HS3ST4: variants seen among roughly 807,000 people sequenced by gnomAD.
The protein encoded by HS3ST4 is heparan sulfate-glucosamine 3-sulfotransferase 4, also known as heparan sulfate glucosamine 3-O-sulfotransferase 4.
In HS3ST4, 17 loss-of-function variants were observed where a neutral mutation model predicts 29.2. The observed-to-expected ratio is 0.58, with a 90% CI of 0.40 to 0.87. The LOEUF is 0.87. Ranked by LOEUF, HS3ST4 falls within the 40% of genes least tolerant of loss-of-function variation. HS3ST4 has a pLI of 0.00. For missense variants in HS3ST4, 627 were observed against 634.5 expected (o/e 0.99, Z 0.13); for synonymous variants, 314 against 285.7 (o/e 1.10, Z -1.00).
intron 1 of HS3ST4, among the ~76,000 whole-genome samples, chr16:25,903,476 T>C (rs1968142938): frequency 1.3e-5 from 2 of 151,806 alleles, no homozygotes; most frequent in South Asian, 4.2e-4. Flanking sequence ...TATAACAATA[T>C]GTATATTGAT....
chr16:26,086,106 C>T (rs1339887581), intron 1 of HS3ST4, among the ~76,000 whole-genome samples: 1 of 151,914 alleles, frequency 6.6e-6, no homozygotes, highest in Non-Finnish European at 1.5e-5. Context: ...TGCCATCTCC[C>T]CAGTTCATCC....
intron 1 of HS3ST4, among the ~76,000 whole-genome samples, chr16:25,870,672 G>A (rs527650053): frequency 6.6e-6 from 1 of 152,320 alleles, no homozygotes; most frequent in African/African-American, 2.4e-5. Flanking sequence ...ATTAAGTAGA[G>A]ATGTTACATC....
chr16:26,034,743 T>TA lies in HS3ST4; in HGVS notation c.735-100859dup, dbSNP rs145104496. Reference sequence around the variant, plus strand: ...TGGTGTCTTCATAAGGAAAGCCTATTAAAAAAAAAACTGACGTGAGTTCAA... The same window carrying TA: ...TGGTGTCTTCATAAGGAAAGCCTATTAAAAAAAAAAACTGACGTGAGTTCAA... On this transcript the variant is annotated intron_variant, in intron 1 of 1. Transcript: ENST00000331351. 5.3e-3 allele frequency among the ~76,000 whole-genome samples: 781 copies of TA among 147,676 alleles called. 7 individuals are homozygous for TA. The highest frequency in any genetic ancestry group is 0.019 in the African/African-American group (748 of 40,378).
intron 1 of HS3ST4, among the ~76,000 whole-genome samples, chr16:26,073,400 G>C (rs547976469): frequency 1.1e-3 from 160 of 151,474 alleles, no homozygotes; most frequent in African/African-American, 3.8e-3. Flanking sequence ...TCTGTGACAG[G>C]GTCTCACTCT....
intron 1 of HS3ST4, among the ~76,000 whole-genome samples, chr16:26,041,623 G>C (rs1969636626): frequency 6.6e-6 from 1 of 152,206 alleles, no homozygotes; most frequent in African/African-American, 2.4e-5. Flanking sequence ...TTTAGATTTT[G>C]CAGGCCGTGA....
chr16:25,765,678 G>T (rs1183213827), intron 1 of HS3ST4, among the ~76,000 whole-genome samples: 4 of 152,184 alleles, frequency 2.6e-5, no homozygotes, highest in African/African-American at 9.7e-5. Flanking sequence ...ACCAGTCCCA[G>T]GGGAGCACCC....
At chr16:25,748,423 A>G (rs1299267041) in intron 1 of HS3ST4, among the ~76,000 whole-genome samples, 1 of 152,156 alleles carries the variant, frequency 6.6e-6, no homozygotes, top group African/African-American at 2.4e-5. Flanking sequence ...CTTTTCAGAA[A>G]CTGCAGAGCC....
At chr16:26,083,967 A>C (rs1044301065) in intron 1 of HS3ST4, among the ~76,000 whole-genome samples, 2 of 152,200 alleles carry the variant, frequency 1.3e-5, no homozygotes, top group African/African-American at 2.4e-5. Context: ...ATTACAGTAG[A>C]GTGTCAAATA....
intron 1 of HS3ST4, among the ~76,000 whole-genome samples, chr16:25,721,241 T>C (rs1173917296): frequency 6.6e-6 from 1 of 152,130 alleles, no homozygotes; most frequent in Non-Finnish European, 1.5e-5. Flanking sequence ...TTCTTTTCTT[T>C]AAATGTGCCT....
At chr16:25,990,172 C>G (rs7196575) in intron 1 of HS3ST4, among the ~76,000 whole-genome samples, 28,806 of 152,174 alleles carry the variant, frequency 0.19, 2,831 homozygotes, top group Middle Eastern at 0.22. Flanking sequence ...AGGACATCCT[C>G]GTTGCTTCCA....
chr16:25,749,743 T>C (rs7193807), intron 1 of HS3ST4, among the ~76,000 whole-genome samples: 136,079 of 152,164 alleles, frequency 0.89, 60,934 homozygotes, highest in Middle Eastern at 0.94. Context: ...AAAATGGGTC[T>C]GGAAACATAG....
At chr16:25,701,775 T>C (rs775015168) in intron 1 of HS3ST4, among the ~76,000 whole-genome samples, 1 of 151,940 alleles carries the variant, frequency 6.6e-6, no homozygotes, top group Non-Finnish European at 1.5e-5. Flanking sequence ...ACTCACAGAG[T>C]GGAGAAATGG....
intron 1 of HS3ST4, among the ~76,000 whole-genome samples, chr16:26,054,395 G>C (rs1162022758): frequency 1.3e-5 from 2 of 151,962 alleles, no homozygotes; most frequent in South Asian, 4.2e-4. Context: ...TCCTCCATTC[G>C]AATTAACTTC....
At chr16:26,088,580 C>A (rs1434358256) in intron 1 of HS3ST4, among the ~76,000 whole-genome samples, 1 of 152,166 alleles carries the variant, frequency 6.6e-6, no homozygotes, top group Admixed American at 6.5e-5. Flanking sequence ...TCACACAGCT[C>A]TAATTTCAGT....
In HS3ST4 at chr16:25,766,929, C is replaced by G. The variant is rs1966823772; in HGVS notation, c.734+73778C>G. Among the ~76,000 whole-genome samples, 6 of 152,130 alleles carry G rather than the reference C, an allele frequency of 3.9e-5. No individual in the cohort carries two copies. The South Asian group carries it at 1.2e-3, about 32-fold the overall frequency. ...ACCAGATACACGCACCTAGTCTGGGCAAGAGCCTCCCACTTCCAAATCCTG... is the reference window on the plus strand; with the variant it reads ...ACCAGATACACGCACCTAGTCTGGGGAAGAGCCTCCCACTTCCAAATCCTG... On this transcript the variant is annotated intron_variant, in intron 1 of 1. Coordinates refer to ENST00000331351, the MANE Select transcript of HS3ST4 (RefSeq NM_006040.3).
At chr16:26,040,296 C>CTTTTT (rs565233563) in intron 1 of HS3ST4, among the ~76,000 whole-genome samples, 7 of 135,724 alleles carry the variant, frequency 5.2e-5, no homozygotes, top group Admixed American at 7.4e-5. Flanking sequence ...ATCTTTCTTT[C>CTTTTT]TTTTTTTTTT....
At chr16:25,767,173 G>C (rs1448404352) in intron 1 of HS3ST4, among the ~76,000 whole-genome samples, 1 of 152,148 alleles carries the variant, frequency 6.6e-6, no homozygotes, top group African/African-American at 2.4e-5. Context: ...GGGAACTTTA[G>C]CTTCTTGTTT....
intron 1 of HS3ST4, among the ~76,000 whole-genome samples, chr16:25,775,413 A>G (rs7195333): frequency 0.68 from 104,059 of 152,060 alleles, 36,021 homozygotes; most frequent in Middle Eastern, 0.76. Context: ...ATGGTTTACT[A>G]GGAAAAGCCC....
At chr16:25,878,205 AGAT>A (rs1967852876) in intron 1 of HS3ST4, among the ~76,000 whole-genome samples, 1 of 152,176 alleles carries the variant, frequency 6.6e-6, no homozygotes, top group Non-Finnish European at 1.5e-5. Context: ...GGACCAAATG[AGAT>A]GATGTATGCT....
Sources: gnomAD v4.1 joint callset for allele counts (sites outside exome capture counted in the v4.1 genomes callset) on GRCh38, gnomAD v4.1.1 for gene constraint, MANE v1.5 for transcripts, NCBI Gene and HGNC (gene_info 2026-07-23, HGNC 2026-07-21) for gene names.